CPED1: variants seen among roughly 807,000 people sequenced by gnomAD.
CPED1 encodes cadherin-like and PC-esterase domain-containing protein 1.
A neutral mutation model predicts 128.2 loss-of-function variants in CPED1; 114 were observed. The observed-to-expected ratio is 0.89, with a 90% CI of 0.76 to 1.04. The LOEUF (loss-of-function observed/expected upper bound fraction) is 1.04. Among genes scored for constraint, CPED1 ranks in the 50% least tolerant of loss-of-function variants. The pLI, the probability that CPED1 is intolerant of heterozygous loss-of-function variation, is 0.00. For synonymous variants in CPED1, 462 were observed against 426.7 expected (o/e 1.08, Z -1.02); for missense variants, 1,211 against 1,207.1 (o/e 1.00, Z -0.05).
chr7:121,296,313 T>G lies in CPED1; in HGVS notation c.*661T>G, dbSNP rs1304447530. 6.6e-6 allele frequency: 1 copy of G among 152,240 alleles called. No homozygotes were observed. Among genetic ancestry groups the G allele is most frequent in the Non-Finnish European group, 1.5e-5 (1 of 68,032 alleles). 9.4% of individuals were successfully genotyped at this position (152,240 alleles called of 1,614,324 possible). On this transcript the variant is annotated 3_prime_UTR_variant, in exon 23 of 23. Coordinates refer to ENST00000310396, the MANE Select transcript of CPED1 (RefSeq NM_024913.5). ...AATATATTCAACTTTACACTTCTTG[T>G]GTTTTTCATAAACATTCCCTCTTGT...
chr7:121,252,366 A>C (rs2116710708), intron 18 of CPED1, among the ~76,000 whole-genome samples: 1 of 152,312 alleles, frequency 6.6e-6, no homozygotes, highest in Non-Finnish European at 1.5e-5. Context: ...AAGAAACCCT[A>C]GAAGAAAACC....
chr7:121,157,439 G>A (rs1796313380), intron 16 of CPED1, among the ~76,000 whole-genome samples: 1 of 152,174 alleles, frequency 6.6e-6, no homozygotes, highest in South Asian at 2.1e-4. Context: ...GAAGATACCA[G>A]TAGAGGAGGG....
chr7:121,024,677 C>T (rs1469899029), intron 3 of CPED1, among the ~76,000 whole-genome samples: 2 of 151,292 alleles, frequency 1.3e-5, no homozygotes, highest in Non-Finnish European at 2.9e-5. Flanking sequence ...GGTCATTGTT[C>T]TTTTTGTATG....
At chr7:121,207,478 A>G (rs1214850621) in intron 16 of CPED1, among the ~76,000 whole-genome samples, 1 of 151,990 alleles carries the variant, frequency 6.6e-6, no homozygotes, top group East Asian at 1.9e-4. Flanking sequence ...ATGCTTCATT[A>G]ATTTATATGT....
intron 22 of CPED1, among the ~76,000 whole-genome samples, chr7:121,274,556 C>T (rs1353022271): frequency 6.6e-6 from 1 of 152,068 alleles, no homozygotes; most frequent in Non-Finnish European, 1.5e-5. Context: ...AAATAAGCTT[C>T]TGGGAGCATT....
intron 16 of CPED1, among the ~76,000 whole-genome samples, chr7:121,169,395 G>T (rs1796602963): frequency 6.6e-6 from 1 of 152,032 alleles, no homozygotes; most frequent in Admixed American, 6.5e-5. Flanking sequence ...TGTTTTCAAT[G>T]GAATTTTCTG....
intron 3 of CPED1, among the ~76,000 whole-genome samples, chr7:121,030,979 C>T (rs774331447): frequency 8.5e-5 from 13 of 152,128 alleles, no homozygotes; most frequent in Non-Finnish European, 1.5e-4. Context: ...GTCATATATC[C>T]AAAGCAGTTC....
intron 18 of CPED1, among the ~76,000 whole-genome samples, chr7:121,262,599 T>C (rs1020110210): frequency 6.6e-6 from 1 of 152,104 alleles, no homozygotes; most frequent in East Asian, 1.9e-4. Context: ...TGCATGCTAA[T>C]GTAAGGCAGT....
chr7:121,287,490 C>A (rs1297974286), intron 22 of CPED1, among the ~76,000 whole-genome samples: 1 of 152,042 alleles, frequency 6.6e-6, no homozygotes, highest in Non-Finnish European at 1.5e-5. Flanking sequence ...GAGGAAGCAC[C>A]AAGTTTGTAA....
intron 18 of CPED1, chr7:121,261,595 A>T (rs377164049): frequency 6.1e-5 from 98 of 1,597,290 alleles, no homozygotes; most frequent in Non-Finnish European, 8.1e-5. Flanking sequence ...GCGCTGGCCC[A>T]TAGAAAACCT....
At chr7:121,003,076 C>A (rs965646090) in intron 2 of CPED1, among the ~76,000 whole-genome samples, 3 of 152,164 alleles carry the variant, frequency 2.0e-5, no homozygotes, top group African/African-American at 7.2e-5. Context: ...AGTGTAAGTT[C>A]ATTGCGTATT....
At chr7:121,187,390 T>C (rs1671557993) in intron 16 of CPED1, among the ~76,000 whole-genome samples, 1 of 152,074 alleles carries the variant, frequency 6.6e-6, no homozygotes, top group African/African-American at 2.4e-5. Context: ...CTTAGCACTT[T>C]TGAAAACAAA....
intron 16 of CPED1, among the ~76,000 whole-genome samples, chr7:121,181,973 A>G (rs931291433): frequency 2.0e-5 from 3 of 152,106 alleles, no homozygotes; most frequent in African/African-American, 7.2e-5. Flanking sequence ...GAAATTTAAA[A>G]GTCACGTTTA....
chr7:121,167,131 A>C (rs978809102), intron 16 of CPED1, among the ~76,000 whole-genome samples: 3 of 152,234 alleles, frequency 2.0e-5, no homozygotes, highest in Non-Finnish European at 4.4e-5. Context: ...GTGACCCTCT[A>C]AGTCTGTCTA....
chr7:121,250,914 C>T (rs1214316034), intron 18 of CPED1, among the ~76,000 whole-genome samples: 3 of 152,130 alleles, frequency 2.0e-5, no homozygotes, highest in African/African-American at 7.2e-5. Context: ...ACCATTCCTT[C>T]TGAAATTATT....
At chr7:121,040,114 C>T (rs965483640) in intron 3 of CPED1, among the ~76,000 whole-genome samples, 5 of 152,086 alleles carry the variant, frequency 3.3e-5, no homozygotes, top group African/African-American at 4.8e-5. Flanking sequence ...TTTCATTAAC[C>T]CTTAAAGGCT....
chr7:121,008,646 C>T (rs923859630), intron 2 of CPED1, among the ~76,000 whole-genome samples: 2 of 127,978 alleles, frequency 1.6e-5, no homozygotes, highest in African/African-American at 5.6e-5. Context: ...AATCAAAAGA[C>T]TAATCACCAA....
chr7:121,086,227 G>T (rs1794423776), intron 5 of CPED1, among the ~76,000 whole-genome samples: 1 of 152,092 alleles, frequency 6.6e-6, no homozygotes, highest in African/African-American at 2.4e-5. Context: ...TTTGTAGCAG[G>T]CTATAAAAAG....
At chr7:121,294,806 C>CAAAAAA (rs752742828) in intron 22 of CPED1, among the ~76,000 whole-genome samples, 1 of 61,422 alleles carries the variant, frequency 1.6e-5, no homozygotes. Flanking sequence ...GCCTTCTAAG[C>CAAAAAA]AAAAAAAAAA....
Sources: gnomAD v4.1 joint callset for allele counts (sites outside exome capture counted in the v4.1 genomes callset) on GRCh38, gnomAD v4.1.1 for gene constraint, MANE v1.5 for transcripts, NCBI Gene and HGNC (gene_info 2026-07-23, HGNC 2026-07-21) for gene names.